CACNA1E: variants seen among roughly 807,000 people sequenced by gnomAD.
The protein encoded by CACNA1E is voltage-dependent R-type calcium channel subunit alpha-1E.
In CACNA1E, 40 loss-of-function variants were observed where a neutral mutation model predicts 259.2. The observed-to-expected ratio is 0.15, with a 90% CI of 0.12 to 0.20. The LOEUF (loss-of-function observed/expected upper bound fraction) is 0.20. Among genes scored for constraint, CACNA1E ranks in the 10% least tolerant of loss-of-function variants. The pLI is 1.00. For missense variants in CACNA1E, 1,874 were observed against 3,040.1 expected, an observed-to-expected ratio of 0.62 and a Z score of 9.02; for synonymous variants, 1,104 against 1,138.5, an observed-to-expected ratio of 0.97 and a Z score of 0.61.
intron 47 of CACNA1E, among the ~76,000 whole-genome samples, chr1:181,797,895 T>G (rs201388067): frequency 6.6e-6 from 1 of 152,214 alleles, no homozygotes; most frequent in Non-Finnish European, 1.5e-5. Flanking sequence ...TTCTCAAGTT[T>G]AAAGTCTCTC....
At chr1:181,373,495 C>T (rs1005899557) in intron 1 of CACNA1E, among the ~76,000 whole-genome samples, 4 of 149,162 alleles carry the variant, frequency 2.7e-5, no homozygotes, top group Non-Finnish European at 5.9e-5. Context: ...TTTGTCATTT[C>T]TGATTGTGTT....
intron 2 of CACNA1E, among the ~76,000 whole-genome samples, chr1:181,462,496 C>G (rs1026864693): frequency 6.6e-6 from 1 of 152,156 alleles, no homozygotes; most frequent in African/African-American, 2.4e-5. Context: ...GTATAGAAAA[C>G]AAGAGACACC....
chr1:181,728,646 G>C (rs945743283), intron 18 of CACNA1E, among the ~76,000 whole-genome samples: 7 of 152,068 alleles, frequency 4.6e-5, no homozygotes, highest in African/African-American at 1.7e-4. Context: ...CATTGCTTAG[G>C]TGTGTGTGTC....
At chr1:181,540,047 T>C (rs1668464181) in intron 3 of CACNA1E, among the ~76,000 whole-genome samples, 1 of 152,130 alleles carries the variant, frequency 6.6e-6, no homozygotes, top group Non-Finnish European at 1.5e-5. Flanking sequence ...AATGAACACC[T>C]CCTATTTGGG....
At chr1:181,365,779 G>A (rs1392494849) in intron 1 of CACNA1E, among the ~76,000 whole-genome samples, 3 of 152,320 alleles carry the variant, frequency 2.0e-5, no homozygotes, top group South Asian at 4.1e-4. Flanking sequence ...GTGTCCTGAC[G>A]TTTAGCAGGA....
At chr1:181,646,489 T>G (rs1658276934) in intron 6 of CACNA1E, among the ~76,000 whole-genome samples, 2 of 152,102 alleles carry the variant, frequency 1.3e-5, no homozygotes, top group African/African-American at 4.8e-5. Flanking sequence ...GAAAGGACCA[T>G]GGAATCAGCA....
At chr1:181,526,592 A>T (rs1004802691) in intron 3 of CACNA1E, among the ~76,000 whole-genome samples, 1 of 152,166 alleles carries the variant, frequency 6.6e-6, no homozygotes, top group Middle Eastern at 3.2e-3. Context: ...TGGTTTTTCT[A>T]TATCATTTTG....
Position 181,739,059 on chromosome 1 carries a change from G to A in CACNA1E, c.3613-88G>A. On this transcript the variant is annotated intron_variant, in intron 24 of 47. Transcript: ENST00000367573. ...AGGGTTGGTTGTGGAGACAGTGGCAGTGGGGGCACTGCCATGATGAACAGA... is the reference window on the plus strand; with the variant it reads ...AGGGTTGGTTGTGGAGACAGTGGCAATGGGGGCACTGCCATGATGAACAGA... 4.9e-6 allele frequency: 4 copies of A among 822,282 alleles called. 1 individual carries two copies. In the South Asian group the frequency reaches 5.4e-5, roughly 11 times the overall value. 50.9% of individuals were successfully genotyped at this position (822,282 alleles called of 1,614,324 possible). A position where few individuals can be genotyped will look rare whatever the true frequency, so the allele number is the denominator to read the frequency against.
intron 3 of CACNA1E, among the ~76,000 whole-genome samples, chr1:181,571,795 C>T (rs1325743136): frequency 6.6e-6 from 1 of 152,172 alleles, no homozygotes; most frequent in South Asian, 2.1e-4. Context: ...GGGAGACATC[C>T]TGGACCTAAT....
intron 22 of CACNA1E, 22 bp from the exon 23 acceptor site, chr1:181,737,503 C>G (rs372450592): frequency 6.2e-7 from 1 of 1,612,664 alleles, no homozygotes; most frequent in Admixed American, 1.7e-5. Context: ...TGGGCCAGCT[C>G]AGCCATGCCC....
chr1:181,793,487 G>GA (rs1364223398), intron 44 of CACNA1E, among the ~76,000 whole-genome samples, 178 bp from the exon 45 acceptor site: 3 of 152,180 alleles, frequency 2.0e-5, no homozygotes, highest in African/African-American at 7.2e-5. Flanking sequence ...TTCCTGTCCG[G>GA]AACATATAGC....
At chr1:181,343,845 A>C (rs1291381925) in intron 1 of CACNA1E, among the ~76,000 whole-genome samples, 1 of 152,074 alleles carries the variant, frequency 6.6e-6, no homozygotes, top group Non-Finnish European at 1.5e-5. Flanking sequence ...CAAAGGATAG[A>C]AAACAAAGTC....
At chr1:181,691,550 A>T (rs1651158213) in intron 7 of CACNA1E, among the ~76,000 whole-genome samples, 2 of 152,110 alleles carry the variant, frequency 1.3e-5, no homozygotes, top group Admixed American at 6.6e-5. Flanking sequence ...CCAAAATACC[A>T]AAACATTGCC....
intron 1 of CACNA1E, among the ~76,000 whole-genome samples, chr1:181,409,163 G>A (rs937970125): frequency 6.6e-5 from 10 of 152,280 alleles, no homozygotes; most frequent in South Asian, 4.1e-4. Context: ...CAACAGCAGC[G>A]TTTAAATAGT....
intron 2 of CACNA1E, among the ~76,000 whole-genome samples, chr1:181,423,669 T>TTTTTTTTTTC (rs1658934804): frequency 6.6e-6 from 1 of 150,482 alleles, no homozygotes. Context: ...CCAATTTTTT[T>TTTTTTTTTTC]TTTTTTTTTG....
rs1661270285 is a variant in CACNA1E, at chr1:181,791,189, T to C, written c.5898+633T>C. ...TTATTAGCATAAATGGTGAAATTCC[T>C]GGCTGGGTGCGGTGGCTCACGCCTG... On this transcript the variant is annotated intron_variant, in intron 44 of 47. Transcript: ENST00000367573. 2.0e-5 allele frequency among the ~76,000 whole-genome samples: 3 copies of C among 152,340 alleles called. No individual in the cohort carries two copies. In the South Asian group the frequency reaches 6.2e-4, roughly 32 times the overall value.
chr1:181,402,076 A>G (rs570040412), intron 1 of CACNA1E, among the ~76,000 whole-genome samples: 3 of 152,356 alleles, frequency 2.0e-5, no homozygotes, highest in East Asian at 3.9e-4. Context: ...GTATCATTAC[A>G]TATTTTCAAA....
At chr1:181,669,111 A>G (rs1648542421) in intron 7 of CACNA1E, 1 of 152,222 alleles carries the variant, frequency 6.6e-6, no homozygotes, top group African/African-American at 2.4e-5. Flanking sequence ...GGAAAAAAAT[A>G]AACAACAAAA....
chr1:181,509,058 C>G (rs1665955658), intron 1 of CACNA1E, among the ~76,000 whole-genome samples: 1 of 152,022 alleles, frequency 6.6e-6, no homozygotes, highest in Non-Finnish European at 1.5e-5. Flanking sequence ...GTGAGTGTGA[C>G]TCTCCAGTGT....
Sources: allele counts gnomAD v4.1 joint callset (sites outside exome capture counted in the v4.1 genomes callset), GRCh38; gene constraint gnomAD v4.1.1; transcripts MANE v1.5; gene names NCBI Gene and HGNC (gene_info 2026-07-23, HGNC 2026-07-21).